Variants in ATP10A observed in about 807,000 individuals in gnomAD.
The protein encoded by ATP10A is ATPase phospholipid transporting 10A (putative), also known as phospholipid-transporting ATPase VA.
Under a neutral mutation model 147.8 loss-of-function variants are expected in ATP10A, and 111 were observed. The ratio of observed to expected loss-of-function variants is 0.75; its 90% CI spans 0.64 to 0.88. The LOEUF (loss-of-function observed/expected upper bound fraction) is 0.88, where lower values mean the gene tolerates loss of function less well. Ranked by LOEUF, ATP10A falls within the 40% of genes least tolerant of loss-of-function variation. ATP10A has a pLI of 0.00. For synonymous variants in ATP10A, 875 were observed against 841.6 expected, an observed-to-expected ratio of 1.04 and a Z score of -0.69; for missense variants, 1,927 against 1,959.0, an observed-to-expected ratio of 0.98 and a Z score of 0.31.
intron 2 of ATP10A, among the ~76,000 whole-genome samples, chr15:25,768,746 C>T (rs1489506631): frequency 8.1e-6 from 1 of 123,642 alleles, no homozygotes; most frequent in Non-Finnish European, 1.6e-5. Flanking sequence ...TCAGGTTGGT[C>T]TCAAACTCCT....
intron 5 of ATP10A, among the ~76,000 whole-genome samples, chr15:25,725,603 C>T (rs1902494117): frequency 1.3e-5 from 2 of 151,828 alleles, no homozygotes; most frequent in East Asian, 3.9e-4. Context: ...GGGCAGCCCA[C>T]CAAGCTCACC....
intron 13 of ATP10A, among the ~76,000 whole-genome samples, chr15:25,696,118 C>T (rs900696924): frequency 5.9e-5 from 9 of 152,280 alleles, no homozygotes; most frequent in Non-Finnish European, 8.8e-5. Context: ...CCTGATCCTC[C>T]GCAGACCGTG....
intron 2 of ATP10A, among the ~76,000 whole-genome samples, chr15:25,755,676 C>T (rs1888372396): frequency 6.6e-6 from 1 of 152,148 alleles, no homozygotes; most frequent in South Asian, 2.1e-4. Context: ...CCATGTTAAC[C>T]ACCAGGACAG....
intron 1 of ATP10A, among the ~76,000 whole-genome samples, chr15:25,793,020 G>A (rs1235038201): frequency 2.0e-5 from 3 of 151,866 alleles, no homozygotes; most frequent in African/African-American, 4.8e-5. Flanking sequence ...ACAGGCATGC[G>A]CCACCATGCC....
At chr15:25,683,153 A>G (rs1288476756) in intron 17 of ATP10A, 133 bp downstream of exon 17, 4 of 833,428 alleles carry the variant, frequency 4.8e-6, no homozygotes, top group South Asian at 1.8e-5. Flanking sequence ...CATCCTCTAG[A>G]ATGGTGAATT....
chr15:25,814,486 C>T (rs1891565647), intron 1 of ATP10A, among the ~76,000 whole-genome samples: 1 of 152,188 alleles, frequency 6.6e-6, no homozygotes, highest in Non-Finnish European at 1.5e-5. Flanking sequence ...CTGGTTCCAC[C>T]AATGATGTCT....
At chr15:25,767,103 G>A (rs919426229) in intron 2 of ATP10A, among the ~76,000 whole-genome samples, 1 of 152,156 alleles carries the variant, frequency 6.6e-6, no homozygotes, top group African/African-American at 2.4e-5. Flanking sequence ...TGCCTGTTCT[G>A]GTCTAGAGAG....
intron 1 of ATP10A, among the ~76,000 whole-genome samples, chr15:25,782,508 C>T (rs1301782237): frequency 2.0e-5 from 3 of 152,028 alleles, no homozygotes; most frequent in African/African-American, 7.3e-5. Flanking sequence ...AATTAAAACA[C>T]GTTAAGCCAC....
At chr15:25,779,961 C>T (rs960222763) in intron 2 of ATP10A, among the ~76,000 whole-genome samples, 3 of 152,168 alleles carry the variant, frequency 2.0e-5, no homozygotes, top group Non-Finnish European at 4.4e-5. Context: ...GCAGGCCGGG[C>T]GGGCGAGGTG....
At chr15:25,833,626 C>T (rs187397120) in intron 1 of ATP10A, among the ~76,000 whole-genome samples, 1 of 152,206 alleles carries the variant, frequency 6.6e-6, no homozygotes, top group East Asian at 1.9e-4. Context: ...TTCTTCCTCT[C>T]AGTTCCTATG....
At chr15:25,766,236 A>G (rs553147885) in intron 2 of ATP10A, among the ~76,000 whole-genome samples, 31 of 152,180 alleles carry the variant, frequency 2.0e-4, no homozygotes, top group Admixed American at 5.2e-4. Context: ...TTCCCACAAC[A>G]TGTGGGAATT....
chr15:25,683,601 G>T, intron 16 of ATP10A, 115 bp from the exon 17 acceptor site: 4 of 1,049,038 alleles, frequency 3.8e-6, no homozygotes, highest in Non-Finnish European at 5.5e-6. Flanking sequence ...AAATGTATTG[G>T]CAGCGATTTC....
intron 7 of ATP10A, 52 bp from the exon 8 acceptor site, chr15:25,718,451 C>A (rs577158173): frequency 1.6e-5 from 25 of 1,524,456 alleles, no homozygotes; most frequent in Non-Finnish European, 2.0e-5. Flanking sequence ...CTGGGCGGAG[C>A]AGAAAGAAAC....
rs1221907548 is a variant in ATP10A at position 25,863,104 on chromosome 15, T to C, written c.-8A>G. The C allele has an allele frequency of 3.4e-6, 4 of 1,174,452 alleles. No individual in the cohort carries two copies. The highest frequency in any genetic ancestry group is 4.6e-5 in the Admixed American group (1 of 21,512). 72.8% of individuals were successfully genotyped at this position (1,174,452 alleles called of 1,614,324 possible). On this transcript the variant is annotated 5_prime_UTR_variant, in exon 1 of 21. Transcript: ENST00000555815. ...CGCCGGCTCCCGCTCCATGGCCGCG[T>C]GTCGCCGCGCCCGGCTCCTCCGCCG...
chr15:25,681,041 C>A lies in ATP10A; in HGVS notation c.3526G>T (p.Ala1176Ser). 2 of 1,614,082 alleles carry A rather than the reference C, an allele frequency of 1.2e-6. No individual in the cohort carries two copies. The highest frequency in any genetic ancestry group is 1.7e-6 in the Non-Finnish European group (2 of 1,179,962). ...ACCAGGCTCTGGAAGGCGGCGTCGG[C>A]CATGTTAAACCAGAACGTTCGTGGC... ...YRPRTFWFNMADAAFQSLVCF... is the reference protein window; with the variant it reads ...YRPRTFWFNMSDAAFQSLVCF... The change falls in exon 18 of 21, where the codon GCC becomes TCC. Residue 1176 changes from alanine to serine, a missense_variant. By Grantham distance (99) the Ala-to-Ser change is moderately conservative. Transcript: ENST00000555815.
chr15:25,690,949 G>A (rs1900000293), intron 15 of ATP10A, among the ~76,000 whole-genome samples: 1 of 152,188 alleles, frequency 6.6e-6, no homozygotes, highest in Non-Finnish European at 1.5e-5. Flanking sequence ...ATCTGAGGGT[G>A]GAACATCAGC....
chr15:25,704,227 A>G (rs1596717089), intron 12 of ATP10A, among the ~76,000 whole-genome samples: 1 of 151,346 alleles, frequency 6.6e-6, no homozygotes, highest in East Asian at 1.9e-4. Flanking sequence ...TGTTCATAGT[A>G]ATTCATTCAT....
chr15:25,682,170 G>A (rs1157346663), intron 17 of ATP10A, among the ~76,000 whole-genome samples: 1 of 151,526 alleles, frequency 6.6e-6, no homozygotes, highest in Non-Finnish European at 1.5e-5. Context: ...CCCCCAGTTT[G>A]AGCCCTTCTA....
At chr15:25,864,028 C>G (rs760635182), upstream of ATP10A, among the ~76,000 whole-genome samples, 1 of 152,132 alleles carries the variant, frequency 6.6e-6, no homozygotes, top group East Asian at 1.9e-4. Context: ...GTGTCTGTTT[C>G]CCTCCCTGGG....
Sources: gnomAD v4.1 joint callset for allele counts (sites outside exome capture counted in the v4.1 genomes callset) on GRCh38, gnomAD v4.1.1 for gene constraint, MANE v1.5 for transcripts, NCBI Gene and HGNC (gene_info 2026-07-23, HGNC 2026-07-21) for gene names.